The following SNTG2 variants were observed in gnomAD, a reference collection of about 807,000 sequenced individuals.
SNTG2 encodes syntrophin gamma 2.
Under a neutral mutation model 70.9 loss-of-function variants are expected in SNTG2, and 74 were observed. The observed-to-expected ratio is 1.04, with a 90% CI of 0.86 to 1.27. The LOEUF (loss-of-function observed/expected upper bound fraction) is 1.27, where lower values mean the gene tolerates loss of function less well. Ranked by LOEUF, SNTG2 falls within the 50% of genes most tolerant of loss-of-function variation. SNTG2 has a pLI of 0.00. For synonymous variants in SNTG2, 278 were observed against 273.8 expected (o/e 1.02, Z -0.15); for missense variants, 717 against 690.7 (o/e 1.04, Z -0.43).
intron 1 of SNTG2, among the ~76,000 whole-genome samples, chr2:1,059,607 A>G (rs543360378): frequency 2.3e-4 from 35 of 152,258 alleles, no homozygotes; most frequent in African/African-American, 7.5e-4. Context: ...TATTTTATAA[A>G]TTTCTCTTTT....
intron 12 of SNTG2, among the ~76,000 whole-genome samples, chr2:1,251,663 G>A (rs1230433930): frequency 3.7e-5 from 5 of 134,158 alleles, no homozygotes; most frequent in Admixed American, 3.7e-4. Context: ...CACCACACAT[G>A]CACACACCAC....
At chr2:1,254,279 G>T (rs541199024) in intron 12 of SNTG2, among the ~76,000 whole-genome samples, 95 of 152,330 alleles carry the variant, frequency 6.2e-4, no homozygotes, top group Non-Finnish European at 1.0e-3. Context: ...ACCAGGAGAT[G>T]CTGGAAGAGC....
chr2:1,312,607 ATT>A (rs1471029988), intron 15 of SNTG2, among the ~76,000 whole-genome samples: 3 of 152,180 alleles, frequency 2.0e-5, no homozygotes, highest in African/African-American at 7.2e-5. Context: ...CCACCGCAGG[ATT>A]CACTCGTTCT....
At chr2:1,094,228 T>A (rs1190810139) in intron 2 of SNTG2, among the ~76,000 whole-genome samples, 1 of 76,266 alleles carries the variant, frequency 1.3e-5, no homozygotes. Flanking sequence ...TATGGTAGAG[T>A]TACTGGCAAG....
chr2:1,256,720 G>A (rs1021325453), intron 12 of SNTG2: 10 of 152,138 alleles, frequency 6.6e-5, no homozygotes, highest in African/African-American at 2.4e-4. Context: ...GGAGAGGAAG[G>A]ATATCTGTGA....
At chr2:1,130,116 C>T (rs970741656) in intron 4 of SNTG2, among the ~76,000 whole-genome samples, 1 of 152,140 alleles carries the variant, frequency 6.6e-6, no homozygotes, top group South Asian at 2.1e-4. Flanking sequence ...TTGTTTTACA[C>T]AATATGAGCA....
chr2:1,341,947 G>A (rs1441397558), intron 16 of SNTG2, among the ~76,000 whole-genome samples: 1 of 151,014 alleles, frequency 6.6e-6, no homozygotes, highest in African/African-American at 2.4e-5. Flanking sequence ...CTGGGCTCAA[G>A]CCATCCTCCT....
chr2:1,130,788 C>G (rs1330179466), intron 4 of SNTG2, among the ~76,000 whole-genome samples: 1 of 152,062 alleles, frequency 6.6e-6, no homozygotes, highest in Admixed American at 6.6e-5. Flanking sequence ...TTTTTCATGG[C>G]CCTTCGTGAT....
chr2:1,181,073 G>A (rs775194509), intron 8 of SNTG2, among the ~76,000 whole-genome samples: 10 of 152,108 alleles, frequency 6.6e-5, no homozygotes, highest in Non-Finnish European at 1.3e-4. Context: ...GTAGTGGGGT[G>A]GGGGAAGGGG....
chr2:1,364,345 G>A (rs1661360338), intron 16 of SNTG2, among the ~76,000 whole-genome samples: 1 of 151,992 alleles, frequency 6.6e-6, no homozygotes, highest in Non-Finnish European at 1.5e-5. Context: ...AACTATTGAT[G>A]TTGTTTTGAA....
intron 7 of SNTG2, among the ~76,000 whole-genome samples, chr2:1,166,100 A>G (rs976493034): frequency 6.6e-6 from 1 of 152,240 alleles, no homozygotes; most frequent in South Asian, 2.1e-4. Context: ...CCCAATATGA[A>G]AGTGATGAAC....
chr2:1,070,016 G>T lies in SNTG2; in HGVS notation c.73-13502G>T, dbSNP rs964718105. 7.9e-5 allele frequency among the ~76,000 whole-genome samples: 12 copies of T among 152,126 alleles called. No homozygotes were observed. The East Asian group carries it at 2.1e-3, about 27-fold the overall frequency. On this transcript the variant is annotated intron_variant, in intron 1 of 16. Coordinates refer to ENST00000308624, the MANE Select transcript of SNTG2 (RefSeq NM_018968.4). ...CATTTCAGAACCCGCGGCCCCCCAC[G>T]TGTTTCTGCAGTGACGTCAGTGTGC...
intron 14 of SNTG2, among the ~76,000 whole-genome samples, chr2:1,292,968 C>T (rs1680049945): frequency 6.6e-6 from 1 of 152,180 alleles, no homozygotes; most frequent in South Asian, 2.1e-4. Flanking sequence ...GCGAAACTAT[C>T]TGGCCCTTGG....
intron 8 of SNTG2, among the ~76,000 whole-genome samples, chr2:1,201,077 T>A (rs1673247996): frequency 6.6e-6 from 1 of 151,966 alleles, no homozygotes; most frequent in Non-Finnish European, 1.5e-5. Context: ...AATCAGTATA[T>A]CAAAGGGATA....
chr2:1,133,017 G>A (rs556454430), intron 4 of SNTG2, among the ~76,000 whole-genome samples: 1 of 152,318 alleles, frequency 6.6e-6, no homozygotes, highest in South Asian at 2.1e-4. Flanking sequence ...TCTGCTCAGT[G>A]TCTAATCAGA....
intron 14 of SNTG2, among the ~76,000 whole-genome samples, chr2:1,296,613 G>A (rs1003459935): frequency 1.2e-4 from 19 of 152,210 alleles, no homozygotes; most frequent in African/African-American, 4.3e-4. Flanking sequence ...TGGTCACTCA[G>A]GGACCTCAAG....
At chr2:965,518 TC>T (rs1244704732) in intron 1 of SNTG2, among the ~76,000 whole-genome samples, 1 of 149,224 alleles carries the variant, frequency 6.7e-6, no homozygotes, top group African/African-American at 2.5e-5. Context: ...CAGGGTCCCC[TC>T]CTCCTGGCCT....
intron 2 of SNTG2, among the ~76,000 whole-genome samples, chr2:1,089,687 A>G (rs1664897591): frequency 6.6e-6 from 1 of 152,262 alleles, no homozygotes; most frequent in African/African-American, 2.4e-5. Context: ...GTGTGTGCAC[A>G]CAAAAGCACA....
intron 8 of SNTG2, among the ~76,000 whole-genome samples, chr2:1,183,261 G>A (rs546208236): frequency 6.6e-6 from 1 of 152,082 alleles, no homozygotes; most frequent in African/African-American, 2.4e-5. Flanking sequence ...AATGATGTGG[G>A]CATTGGAGTT....
Sources: allele counts gnomAD v4.1 joint callset (sites outside exome capture counted in the v4.1 genomes callset), GRCh38; gene constraint gnomAD v4.1.1; transcripts MANE v1.5; gene names NCBI Gene and HGNC (gene_info 2026-07-23, HGNC 2026-07-21).